SLC35F1: variants seen among roughly 807,000 people sequenced by gnomAD.
The protein encoded by SLC35F1 is solute carrier family 35 member F1.
Under a neutral mutation model 48.7 loss-of-function variants are expected in SLC35F1, and 14 were observed. The observed-to-expected ratio is 0.29, with a 90% CI of 0.19 to 0.45. SLC35F1 has a LOEUF of 0.45. Among genes scored for constraint, SLC35F1 ranks in the 20% least tolerant of loss-of-function variants. The pLI is 1.00. For synonymous variants in SLC35F1, 190 were observed against 202.2 expected (o/e 0.94, Z 0.51); for missense variants, 404 against 500.0 (o/e 0.81, Z 1.83).
intron 1 of SLC35F1, among the ~76,000 whole-genome samples, chr6:118,101,988 G>GTTTGCAAGATTGACTGGTT (rs1773264858): frequency 1.3e-5 from 2 of 152,114 alleles, no homozygotes; most frequent in Non-Finnish European, 2.9e-5. Context: ...TACCCTGGAT[G>GTTTGCAAGATTGACTGGTT]TTTGCAAGAT....
chr6:117,923,670 T>TATGTACATATATGTATATATAC (rs1554216692), intron 1 of SLC35F1, among the ~76,000 whole-genome samples: 1 of 26,826 alleles, frequency 3.7e-5, no homozygotes, highest in African/African-American at 2.2e-4. Flanking sequence ...TATATATACA[T>TATGTACATATATGTATATATAC]ATATGTACAT....
chr6:118,142,341 A>G (rs1247456512), intron 1 of SLC35F1, among the ~76,000 whole-genome samples: 1 of 152,180 alleles, frequency 6.6e-6, no homozygotes, highest in Non-Finnish European at 1.5e-5. Flanking sequence ...TAAAATAGTT[A>G]CTAGAATGGA....
At chr6:118,269,450 G>T (rs528762507) in intron 4 of SLC35F1, among the ~76,000 whole-genome samples, 1 of 152,166 alleles carries the variant, frequency 6.6e-6, no homozygotes, top group African/African-American at 2.4e-5. Context: ...CCCAGATATA[G>T]GATCCAAGGA....
At chr6:118,262,589 G>A (rs1775726510) in intron 3 of SLC35F1, among the ~76,000 whole-genome samples, 2 of 152,132 alleles carry the variant, frequency 1.3e-5, no homozygotes, top group Non-Finnish European at 2.9e-5. Flanking sequence ...TAGCAGTCCA[G>A]ACGCTAGTGT....
chr6:118,310,198 G>A (rs1288440681), intron 7 of SLC35F1, among the ~76,000 whole-genome samples: 1 of 152,166 alleles, frequency 6.6e-6, no homozygotes, highest in Admixed American at 6.5e-5. Flanking sequence ...ACAGCAAGCA[G>A]CCCCTGCTCT....
At chr6:118,258,466 T>C (rs1392286689) in intron 3 of SLC35F1, among the ~76,000 whole-genome samples, 1 of 152,090 alleles carries the variant, frequency 6.6e-6, no homozygotes, top group Non-Finnish European at 1.5e-5. Context: ...ATTTAACATT[T>C]GACAATGAGA....
chr6:118,220,384 C>T (rs1171909121), intron 2 of SLC35F1, among the ~76,000 whole-genome samples: 1 of 152,004 alleles, frequency 6.6e-6, no homozygotes, highest in Non-Finnish European at 1.5e-5. Context: ...CCATTCCCTT[C>T]CCCTGGGCTC....
chr6:118,151,212 G>A (rs921250912), intron 1 of SLC35F1, among the ~76,000 whole-genome samples: 39 of 152,114 alleles, frequency 2.6e-4, no homozygotes, highest in African/African-American at 8.7e-4. Flanking sequence ...CCAACCTTGG[G>A]ATTCTGCAGA....
chr6:118,175,453 C>G (rs1023038445), intron 2 of SLC35F1, among the ~76,000 whole-genome samples: 3 of 152,102 alleles, frequency 2.0e-5, no homozygotes, highest in Admixed American at 6.6e-5. Context: ...TCATCAGAAA[C>G]TTTGTAATCA....
At chr6:118,115,800 A>T (rs2114391947) in intron 1 of SLC35F1, among the ~76,000 whole-genome samples, 1 of 152,326 alleles carries the variant, frequency 6.6e-6, no homozygotes, top group Non-Finnish European at 1.5e-5. Flanking sequence ...GCATTTGTTG[A>T]CAAAATGACA....
At chr6:118,239,829 TA>T (rs2114589526) in intron 3 of SLC35F1, among the ~76,000 whole-genome samples, 1 of 152,300 alleles carries the variant, frequency 6.6e-6, no homozygotes, top group Admixed American at 6.5e-5. Flanking sequence ...AACAGGGAAG[TA>T]AAAAGGCAAG....
In SLC35F1 at chr6:118,154,444, G is replaced by A; in HGVS notation, c.174-1G>A. 1 of 1,594,528 alleles carries A rather than the reference G, an allele frequency of 6.3e-7. No individual in the cohort carries two copies. Reference sequence around the variant, plus strand: ...TGTGTTTTTTTTCCTTTATTTCTCAGGGAGATGTTAATCTCTGTGGCCCTA... The same window carrying A: ...TGTGTTTTTTTTCCTTTATTTCTCAAGGAGATGTTAATCTCTGTGGCCCTA... On this transcript the variant is annotated splice_acceptor_variant, in intron 1 of 7. Transcript: ENST00000360388. LOFTEE classifies it high-confidence loss of function.
At chr6:117,967,116 G>A (rs1442139468) in intron 1 of SLC35F1, among the ~76,000 whole-genome samples, 1 of 152,076 alleles carries the variant, frequency 6.6e-6, no homozygotes, top group African/African-American at 2.4e-5. Context: ...GCTTTCTTTA[G>A]TACTTTGATA....
At chr6:118,238,415 T>TCCCATCTC (rs1359467313) in intron 3 of SLC35F1, among the ~76,000 whole-genome samples, 1 of 125,206 alleles carries the variant, frequency 8.0e-6, no homozygotes, top group African/African-American at 3.0e-5. Flanking sequence ...TATAGCAAGA[T>TCCCATCTC]CCCATCTCTA....
intron 1 of SLC35F1, among the ~76,000 whole-genome samples, chr6:117,913,603 A>G (rs1301461900): frequency 3.3e-5 from 5 of 152,258 alleles, no homozygotes; most frequent in Non-Finnish European, 7.3e-5. Context: ...AATGTACAAT[A>G]GTTAAGAAGG....
rs146804414 is a variant in SLC35F1, at chr6:118,152,514, G to C, written c.174-1931G>C. On this transcript the variant is annotated intron_variant, in intron 1 of 7. Coordinates refer to ENST00000360388, the MANE Select transcript of SLC35F1 (RefSeq NM_001029858.4). ...GCTCCATGGTGGCATATGTTGGCAT[G>C]GTTTGACTGGGGCAGGAGAATCCAG... is the stretch of plus-strand genomic sequence containing the variant. 5.8e-3 allele frequency among the ~76,000 whole-genome samples: 890 copies of C among 152,304 alleles called. 4 individuals carry two copies. Among genetic ancestry groups the C allele is most frequent in the Middle Eastern group, 0.014 (4 of 294 alleles).
At chr6:118,267,377 C>T (rs1215096990) in intron 4 of SLC35F1, among the ~76,000 whole-genome samples, 2 of 152,212 alleles carry the variant, frequency 1.3e-5, no homozygotes, top group Non-Finnish European at 2.9e-5. Flanking sequence ...CTTTCATGCC[C>T]TTTCTGCATC....
intron 2 of SLC35F1, among the ~76,000 whole-genome samples, chr6:118,194,440 A>G (rs1470291786): frequency 4.6e-5 from 7 of 152,218 alleles, no homozygotes; most frequent in Admixed American, 4.6e-4. Context: ...TCCCAAGGAC[A>G]TAAAACAAGA....
At chr6:118,199,866 T>C (rs886400669) in intron 2 of SLC35F1, among the ~76,000 whole-genome samples, 2 of 152,208 alleles carry the variant, frequency 1.3e-5, no homozygotes, top group Admixed American at 6.5e-5. Context: ...ATAATAAATT[T>C]CAAAATCTTT....
Sources: gnomAD v4.1 joint callset for allele counts (sites outside exome capture counted in the v4.1 genomes callset) on GRCh38, gnomAD v4.1.1 for gene constraint, MANE v1.5 for transcripts, NCBI Gene and HGNC (gene_info 2026-07-23, HGNC 2026-07-21) for gene names.